Variants in MED13 observed in about 807,000 individuals in gnomAD.
The protein encoded by MED13 is mediator of RNA polymerase II transcription subunit 13.
In MED13, 23 loss-of-function variants were observed where a neutral mutation model predicts 225.2. The ratio of observed to expected loss-of-function variants is 0.10; its 90% CI spans 0.07 to 0.14. MED13 has a LOEUF of 0.14. Ranked by LOEUF, MED13 falls within the 10% of genes least tolerant of loss-of-function variation. The pLI, the probability that MED13 is intolerant of heterozygous loss-of-function variation, is 1.00. For synonymous variants in MED13, 942 were observed against 889.2 expected (o/e 1.06, Z -1.06); for missense variants, 2,197 against 2,594.5 (o/e 0.85, Z 3.33).
rs988057112 is a variant in MED13, at chr17:62,052,293, T to C, written c.470+244A>G. 5.9e-5 allele frequency among the ~76,000 whole-genome samples: 9 copies of C among 151,566 alleles called. 1 individual carries two copies. The highest frequency in any genetic ancestry group is 1.2e-4 in the African/African-American group (5 of 41,204). On this transcript the variant is annotated intron_variant, in intron 3 of 29. Coordinates refer to ENST00000397786, the MANE Select transcript of MED13 (RefSeq NM_005121.3). Reference sequence around the variant, plus strand: ...CCCACATTAAGTCTATCATCACAAATCAAAATTTAGGCCACTGTATTAAAA... The same window carrying C: ...CCCACATTAAGTCTATCATCACAAACCAAAATTTAGGCCACTGTATTAAAA...
intron 20 of MED13, among the ~76,000 whole-genome samples, chr17:61,964,139 A>G (rs1168922011): frequency 6.6e-6 from 1 of 152,230 alleles, no homozygotes; most frequent in Non-Finnish European, 1.5e-5. Context: ...AATCTACTTG[A>G]CAATTATGCC....
chr17:62,003,052 T>C (rs1167027121), intron 9 of MED13, among the ~76,000 whole-genome samples: 5 of 152,188 alleles, frequency 3.3e-5, no homozygotes, highest in Non-Finnish European at 7.3e-5. Flanking sequence ...TGGCAAATGT[T>C]ACCTGGGGAT....
Position 61,961,615 on chromosome 17 carries a change from G to T in MED13, c.5229C>A (p.Ala1743=). ...CAGGACTTCTAAGGGCAGTTTCCAT[G>T]GCTAAACCTGGACCAAAGCCAGTCA... ...KTLTGFGPGL[A]METALRSPDR... The change falls in exon 22 of 30, where the codon GCC becomes GCA. Residue 1743 remains alanine, a synonymous_variant. Transcript: ENST00000397786. 2 of 1,613,684 alleles carry T rather than the reference G, an allele frequency of 1.2e-6. No homozygotes were observed. Among genetic ancestry groups the T allele is most frequent in the Non-Finnish European group, 1.7e-6 (2 of 1,179,886 alleles).
chr17:61,961,115 T>A (rs184750806), intron 22 of MED13, 25 bp from the exon 23 acceptor site: 2 of 1,484,558 alleles, frequency 1.3e-6, no homozygotes, highest in Admixed American at 3.4e-5. Context: ...ATTAAGGTAT[T>A]ATCATACTAT....
intron 2 of MED13, among the ~76,000 whole-genome samples, chr17:62,059,286 C>T (rs4968468): frequency 0.16 from 24,396 of 152,120 alleles, 2,407 homozygotes; most frequent in East Asian, 0.5. Flanking sequence ...TAAACAAAGG[C>T]AATTCTGTAT....
rs2143702767 is a variant in MED13 at position 62,038,254 on chromosome 17, T to C, written c.471-2646A>G. 2.0e-5 allele frequency among the ~76,000 whole-genome samples: 3 copies of C among 151,772 alleles called. No individual in the cohort carries two copies. The East Asian group carries it at 5.8e-4, about 29-fold the overall frequency. On this transcript the variant is annotated intron_variant, in intron 3 of 29. Coordinates refer to ENST00000397786, the MANE Select transcript of MED13 (RefSeq NM_005121.3). Reference sequence around the variant, plus strand: ...ACAAAAAAATTAAAAATTAGCTAGGTGGGGTGTGGTGCATGCCTGTGGTCC... The same window carrying C: ...ACAAAAAAATTAAAAATTAGCTAGGCGGGGTGTGGTGCATGCCTGTGGTCC...
At chr17:62,064,671 T>C (rs1194066221) in intron 1 of MED13, among the ~76,000 whole-genome samples, 1 of 151,988 alleles carries the variant, frequency 6.6e-6, no homozygotes, top group Non-Finnish European at 1.5e-5. Context: ...ACAAAAAAAA[T>C]GTAAAACCAA....
rs190790443 is a variant in MED13 at position 61,968,019 on chromosome 17, C to G, written c.4191+16G>C. The G allele has an allele frequency of 6.4e-5, 101 of 1,579,108 alleles. No individual in the cohort carries two copies. In the East Asian group the frequency reaches 2.2e-3, roughly 34 times the overall value. Reference sequence around the variant, plus strand: ...GTAAGGTAGTTTTAAAATGTCATCTCTTTTTAAACACCTACCTCATATATT... The same window carrying G: ...GTAAGGTAGTTTTAAAATGTCATCTGTTTTTAAACACCTACCTCATATATT... On this transcript the variant is annotated intron_variant, in intron 18 of 29. Transcript: ENST00000397786.
At chr17:61,952,910 T>C (rs1003898474) in intron 27 of MED13, 55 bp downstream of exon 27, 2 of 1,566,928 alleles carry the variant, frequency 1.3e-6, no homozygotes, top group South Asian at 2.3e-5. Context: ...GCTGGGATTT[T>C]AGGCGTAAGC....
intron 26 of MED13, 183 bp downstream of exon 26, chr17:61,955,199 T>C (rs1257522224): frequency 2.3e-6 from 1 of 442,136 alleles, no homozygotes; most frequent in Admixed American, 4.0e-5. Flanking sequence ...GAACACATGT[T>C]ATCGCATTAA....
At chr17:62,044,360 A>G (rs533445284) in intron 3 of MED13, among the ~76,000 whole-genome samples, 13 of 152,320 alleles carry the variant, frequency 8.5e-5, no homozygotes, top group Non-Finnish European at 1.6e-4. Context: ...AAAATGTTCT[A>G]CATCTACACT....
chr17:61,950,659 C>T (rs1244555323), intron 28 of MED13, among the ~76,000 whole-genome samples, 166 bp downstream of exon 28: 2 of 152,210 alleles, frequency 1.3e-5, no homozygotes, highest in Non-Finnish European at 2.9e-5. Flanking sequence ...GCTGGCATTA[C>T]AGGCGTGAGC....
chr17:61,954,888 G>A (rs1272868833), intron 26 of MED13, among the ~76,000 whole-genome samples: 1 of 152,160 alleles, frequency 6.6e-6, no homozygotes, highest in Non-Finnish European at 1.5e-5. Context: ...ACTTTAATAA[G>A]TTACCACAAA....
chr17:61,957,110 A>C (rs1370306053), intron 23 of MED13, among the ~76,000 whole-genome samples: 3 of 151,070 alleles, frequency 2.0e-5, no homozygotes, highest in African/African-American at 7.3e-5. Flanking sequence ...GCAGTGGCAC[A>C]ATCTCGGCTC....
At chr17:62,051,164 T>C (rs2080953626) in intron 3 of MED13, among the ~76,000 whole-genome samples, 1 of 152,212 alleles carries the variant, frequency 6.6e-6, no homozygotes, top group African/African-American at 2.4e-5. Context: ...AAATAAAAGA[T>C]ATTTGTTTCT....
At chr17:61,984,977 G>A (rs370789400) in intron 13 of MED13, 23 bp downstream of exon 13, 48 of 1,609,704 alleles carry the variant, frequency 3.0e-5, no homozygotes, top group Admixed American at 1.5e-4. Flanking sequence ...AATTTATCTC[G>A]AGCACAGATG....
Position 62,033,982 on chromosome 17 carries a change from T to C in MED13, c.619A>G (p.Ile207Val). The change falls in exon 5 of 30, where the codon ATC (isoleucine) becomes GTC (valine). Residue 207 changes from isoleucine (I) to valine (V), a missense_variant and splice_region_variant. Coordinates refer to ENST00000397786, the MANE Select transcript of MED13 (RefSeq NM_005121.3). ...AQQSNSPFQV[I>V]LCPFGLNGTL... is the part of the protein sequence containing the mutation. ...CCATTTAGTCCAAATGGGCATAAGATAACTAGAAACCCAAAGCAGACATCA... is the reference window on the plus strand; with the variant it reads ...CCATTTAGTCCAAATGGGCATAAGACAACTAGAAACCCAAAGCAGACATCA... 1 of 1,613,458 alleles carries C rather than the reference T, an allele frequency of 6.2e-7. No homozygotes were observed. The highest frequency in any genetic ancestry group is 8.5e-7 in the Non-Finnish European group (1 of 1,179,728).
At chr17:62,019,567 G>A (rs2080617220) in intron 8 of MED13, among the ~76,000 whole-genome samples, 1 of 152,100 alleles carries the variant, frequency 6.6e-6, no homozygotes, top group African/African-American at 2.4e-5. Flanking sequence ...GATGTGAAAA[G>A]TAAATGGCCA....
chr17:62,027,807 T>C (rs1353917729), intron 8 of MED13, among the ~76,000 whole-genome samples: 2 of 152,320 alleles, frequency 1.3e-5, no homozygotes, highest in Non-Finnish European at 2.9e-5. Flanking sequence ...AACATGCATA[T>C]GTAAAAAAGC....
Sources: allele counts gnomAD v4.1 joint callset (sites outside exome capture counted in the v4.1 genomes callset), GRCh38; gene constraint gnomAD v4.1.1; transcripts MANE v1.5; gene names NCBI Gene and HGNC (gene_info 2026-07-23, HGNC 2026-07-21).